The following CNTNAP2 variants were observed in gnomAD, a reference collection of about 807,000 sequenced individuals.
CNTNAP2 encodes contactin-associated protein-like 2.
CNTNAP2 carries 98 observed loss-of-function variants against 155.2 expected under a neutral mutation model. The observed-to-expected ratio is 0.63, with a 90% confidence interval of 0.54 to 0.75. CNTNAP2 has a LOEUF of 0.75. CNTNAP2 is among the 30% of genes least tolerant of loss of function. The probability of loss-of-function intolerance (pLI) is 0.00; values close to 1 mark genes in which losing one functional copy is unlikely to be tolerated. For synonymous variants in CNTNAP2, 651 were observed against 631.2 expected, an observed-to-expected ratio of 1.03 and a Z score of -0.47; for missense variants, 1,727 against 1,688.1, an observed-to-expected ratio of 1.02 and a Z score of -0.40.
intron 13 of CNTNAP2, among the ~76,000 whole-genome samples, chr7:147,788,880 T>C (rs1797775662): frequency 6.7e-6 from 1 of 150,144 alleles, no homozygotes; most frequent in South Asian, 2.1e-4. Flanking sequence ...TCCAGTAGGA[T>C]ATACTTTTTT....
chr7:147,860,050 G>A (rs747306901), intron 13 of CNTNAP2, among the ~76,000 whole-genome samples: 5 of 152,178 alleles, frequency 3.3e-5, no homozygotes, highest in Non-Finnish European at 7.3e-5. Flanking sequence ...GACCTGGTGG[G>A]AGGTGATTGG....
intron 1 of CNTNAP2, among the ~76,000 whole-genome samples, chr7:146,401,874 G>A (rs1177800284): frequency 1.3e-5 from 2 of 152,076 alleles, no homozygotes; most frequent in African/African-American, 4.8e-5. Flanking sequence ...AACATCTCCA[G>A]TCTGTTTTAT....
At chr7:147,924,221 C>A (rs1800342252) in intron 14 of CNTNAP2, among the ~76,000 whole-genome samples, 1 of 149,928 alleles carries the variant, frequency 6.7e-6, no homozygotes, top group African/African-American at 2.5e-5. Context: ...CTCACCCAAC[C>A]TCTGCCTCCT....
chr7:146,393,065 A>T (rs1795568229), intron 1 of CNTNAP2, among the ~76,000 whole-genome samples: 1 of 152,204 alleles, frequency 6.6e-6, no homozygotes, highest in Non-Finnish European at 1.5e-5. Flanking sequence ...AATGAAATGA[A>T]GAAAATAGTG....
chr7:147,723,491 A>T (rs1187606235), intron 13 of CNTNAP2, among the ~76,000 whole-genome samples: 2 of 152,048 alleles, frequency 1.3e-5, no homozygotes, highest in Admixed American at 6.6e-5. Flanking sequence ...GTTCATCTTC[A>T]TCGGGACATT....
intron 11 of CNTNAP2, among the ~76,000 whole-genome samples, chr7:147,529,421 C>T (rs1029443189): frequency 2.6e-5 from 4 of 152,132 alleles, no homozygotes; most frequent in African/African-American, 7.2e-5. Flanking sequence ...TCTGTAGAAG[C>T]GCCTGACAGT....
rs576427103 is a variant in CNTNAP2, at chr7:147,337,362, G to A, written c.1498+37072G>A. 2.0e-5 allele frequency among the ~76,000 whole-genome samples: 3 copies of A among 152,190 alleles called. No homozygotes were observed. The East Asian group carries it at 5.8e-4, about 30-fold the overall frequency. ...TACCCAGGGGCAATGGAATTGCTGA[G>A]CTAAAGCATTTCAGGACACCCTGTT... On this transcript the variant is annotated intron_variant, in intron 9 of 23. Coordinates refer to ENST00000361727, the MANE Select transcript of CNTNAP2 (RefSeq NM_014141.6).
At chr7:146,825,238 CCT>C (rs1803377576) in intron 2 of CNTNAP2, among the ~76,000 whole-genome samples, 1 of 152,020 alleles carries the variant, frequency 6.6e-6, no homozygotes, top group South Asian at 2.1e-4. Context: ...AAAAATCTCC[CCT>C]CTTTATCAAA....
At chr7:146,232,868 G>A (rs1455032476) in intron 1 of CNTNAP2, among the ~76,000 whole-genome samples, 5 of 152,104 alleles carry the variant, frequency 3.3e-5, no homozygotes, top group African/African-American at 1.2e-4. Flanking sequence ...CAAAGACATT[G>A]GGGGATACAA....
chr7:146,450,994 T>G (rs907501991), intron 1 of CNTNAP2, among the ~76,000 whole-genome samples: 2 of 151,884 alleles, frequency 1.3e-5, no homozygotes, highest in Admixed American at 6.6e-5. Context: ...TCGTCCAGGC[T>G]GGAGTGCAGT....
intron 21 of CNTNAP2, among the ~76,000 whole-genome samples, chr7:148,350,614 GT>G (rs1295166225): frequency 6.6e-6 from 1 of 152,198 alleles, no homozygotes; most frequent in East Asian, 1.9e-4. Flanking sequence ...TTCCGAGGTT[GT>G]TTTATGTTCA....
chr7:146,305,503 G>A (rs1214003987), intron 1 of CNTNAP2, among the ~76,000 whole-genome samples: 1 of 152,014 alleles, frequency 6.6e-6, no homozygotes, highest in East Asian at 1.9e-4. Context: ...TAACATTCAG[G>A]ACCCTCAGCT....
rs548394371 is a variant in CNTNAP2 at position 148,294,354 on chromosome 7, C to G, written c.3475+27228C>G. Reference sequence around the variant, plus strand: ...ATTACTAAGCTTACATATAATTAACCTCGAAATAATAACTAAGCATTGTTA... The same window carrying G: ...ATTACTAAGCTTACATATAATTAACGTCGAAATAATAACTAAGCATTGTTA... On this transcript the variant is annotated intron_variant, in intron 21 of 23. Transcript: ENST00000361727. 7.2e-5 allele frequency among the ~76,000 whole-genome samples: 11 copies of G among 152,212 alleles called. 1 individual carries two copies. The South Asian group carries it at 2.3e-3, about 32-fold the overall frequency.
intron 1 of CNTNAP2, among the ~76,000 whole-genome samples, chr7:146,373,612 A>C (rs1795267079): frequency 6.6e-6 from 1 of 152,168 alleles, no homozygotes; most frequent in Non-Finnish European, 1.5e-5. Context: ...TATAAACTCA[A>C]AGCGTCCAAA....
intron 15 of CNTNAP2, among the ~76,000 whole-genome samples, chr7:148,002,935 G>A (rs375741684): frequency 8.5e-5 from 13 of 152,302 alleles, no homozygotes; most frequent in East Asian, 1.9e-4. Flanking sequence ...TTTGTTTACA[G>A]TTGAACACAA....
intron 15 of CNTNAP2, among the ~76,000 whole-genome samples, chr7:147,990,172 T>C (rs1801686298): frequency 6.6e-6 from 1 of 152,144 alleles, no homozygotes. Context: ...AAATCAAGTC[T>C]AGCCAAATGA....
In CNTNAP2 at chr7:147,383,209, C is replaced by T. The variant is rs2697456; in HGVS notation, c.1499-12400C>T. On this transcript the variant is annotated intron_variant, in intron 9 of 23. Transcript: ENST00000361727. Reference sequence around the variant, plus strand: ...CTTTCCTCTCTCCTGGCTCTGTATCCGCCTTACTCAATACATTTTTCTTCA... The same window carrying T: ...CTTTCCTCTCTCCTGGCTCTGTATCTGCCTTACTCAATACATTTTTCTTCA... 3.5e-3 allele frequency among the ~76,000 whole-genome samples: 533 copies of T among 152,068 alleles called. 4 individuals carry two copies. The highest frequency in any genetic ancestry group is 0.011 in the African/African-American group (454 of 41,486).
intron 1 of CNTNAP2, among the ~76,000 whole-genome samples, chr7:146,373,749 T>C (rs1054796542): frequency 5.9e-5 from 9 of 151,992 alleles, no homozygotes; most frequent in Non-Finnish European, 4.4e-5. Context: ...TAAAACATAA[T>C]TGAGAAATTT....
intron 12 of CNTNAP2, among the ~76,000 whole-genome samples, chr7:147,624,411 A>G (rs1450476557): frequency 6.6e-6 from 1 of 152,178 alleles, no homozygotes; most frequent in Admixed American, 6.5e-5. Flanking sequence ...ATAACTCTAT[A>G]GGAAAATTTT....
Sources: allele counts gnomAD v4.1 joint callset (sites outside exome capture counted in the v4.1 genomes callset), GRCh38; gene constraint gnomAD v4.1.1; transcripts MANE v1.5; gene names NCBI Gene and HGNC (gene_info 2026-07-23, HGNC 2026-07-21).